The following HERC1 variants were observed in gnomAD, a reference collection of about 807,000 sequenced individuals.
HERC1 encodes the protein probable E3 ubiquitin-protein ligase HERC1.
A neutral mutation model predicts 554.3 loss-of-function variants in HERC1; 160 were observed. The observed-to-expected ratio is 0.29, with a 90% confidence interval of 0.25 to 0.33. The LOEUF (loss-of-function observed/expected upper bound fraction) is 0.33. Among genes scored for constraint, HERC1 ranks in the 10% least tolerant of loss-of-function variants. The pLI, the probability that HERC1 is intolerant of heterozygous loss-of-function variation, is 1.00. For synonymous variants in HERC1, 2,175 were observed against 2,131.7 expected, an observed-to-expected ratio of 1.02 and a Z score of -0.56; for missense variants, 4,919 against 5,918.5, an observed-to-expected ratio of 0.83 and a Z score of 5.54.
chr15:63,754,628 G>A lies in HERC1; in HGVS notation c.1651C>T (p.Arg551Cys), dbSNP rs759341699. The change falls in exon 7 of 78, where the codon CGT (arginine) becomes TGT (cysteine). Residue 551 changes from arginine (R) to cysteine (C), a missense_variant. By Grantham distance (180) the Arg-to-Cys change is radical. Coordinates refer to ENST00000443617, the MANE Select transcript of HERC1 (RefSeq NM_003922.4). ...GRLGHGDSNS[R>C]NIPTLVKDIS... Reference sequence around the variant, plus strand: ...TCTTTTACTAATGTTGGAATGTTACGACTATTGCTGTCACCATGACCTTGG... The same window carrying A: ...TCTTTTACTAATGTTGGAATGTTACAACTATTGCTGTCACCATGACCTTGG... 6.8e-6 allele frequency: 11 copies of A among 1,612,832 alleles called. No individual in the cohort carries two copies. Among genetic ancestry groups the A allele is most frequent in the Non-Finnish European group, 7.6e-6 (9 of 1,179,436 alleles).
chr15:63,648,221 A>C, intron 54 of HERC1, 22 bp from the exon 55 acceptor site: 1 of 1,582,982 alleles, frequency 6.3e-7, no homozygotes, highest in Non-Finnish European at 8.6e-7. Flanking sequence ...AAAACAAAAG[A>C]GTAAGGAAAA....
chr15:63,631,135 T>C (rs961575080), intron 68 of HERC1, among the ~76,000 whole-genome samples: 3 of 152,196 alleles, frequency 2.0e-5, no homozygotes, highest in African/African-American at 7.2e-5. Context: ...CATGCCACCA[T>C]GCCTGGCTAA....
intron 12 of HERC1, among the ~76,000 whole-genome samples, chr15:63,741,548 C>G (rs941540630): frequency 8.5e-5 from 13 of 152,110 alleles, no homozygotes; most frequent in African/African-American, 3.1e-4. Context: ...TTCAGGTGAT[C>G]CACCTGCCTC....
intron 7 of HERC1, 131 bp from the exon 8 acceptor site, chr15:63,753,216 G>T: frequency 1.9e-6 from 1 of 540,454 alleles, no homozygotes; most frequent in Non-Finnish European, 2.9e-6. Flanking sequence ...CTATGTTTCT[G>T]ATAGCTGAGG....
intron 3 of HERC1, among the ~76,000 whole-genome samples, chr15:63,761,676 T>C (rs1243143994): frequency 6.6e-6 from 1 of 152,118 alleles, no homozygotes; most frequent in Non-Finnish European, 1.5e-5. Flanking sequence ...GAAAGCATAA[T>C]TTAGAAATTA....
chr15:63,763,974 A>G lies in HERC1; in HGVS notation c.1026+122T>C, dbSNP rs1411170548. Reference sequence around the variant, plus strand: ...TACCCAGTTCCTCTCTCTAGAGGTAACAACTGGTGCCACTTCCTTTTGTAG... The same window carrying G: ...TACCCAGTTCCTCTCTCTAGAGGTAGCAACTGGTGCCACTTCCTTTTGTAG... On this transcript the variant is annotated intron_variant, in intron 3 of 77. Coordinates refer to ENST00000443617, the MANE Select transcript of HERC1 (RefSeq NM_003922.4). 5.2e-6 allele frequency: 3 copies of G among 577,518 alleles called. No individual in the cohort carries two copies. The Admixed American group carries it at 7.4e-5, about 14-fold the overall frequency. 35.8% of individuals were successfully genotyped at this position (577,518 alleles called of 1,614,324 possible).
chr15:63,744,543 C>G (rs1342011626), intron 12 of HERC1, among the ~76,000 whole-genome samples: 1 of 152,140 alleles, frequency 6.6e-6, no homozygotes, highest in Admixed American at 6.5e-5. Context: ...TATGGCTGAG[C>G]TGGCACTCAA....
Position 63,656,202 on chromosome 15 carries a change from C to A in HERC1, c.9756G>T (p.Gly3252=). 1 of 1,612,520 alleles carries A rather than the reference C, an allele frequency of 6.2e-7. No individual in the cohort carries two copies. Among genetic ancestry groups the A allele is most frequent in the South Asian group, 1.1e-5 (1 of 90,826 alleles). The change falls in exon 49 of 78, where the codon GGG becomes GGT. Residue 3252 remains glycine (G), a synonymous_variant. Coordinates refer to ENST00000443617, the MANE Select transcript of HERC1 (RefSeq NM_003922.4). ...MASTSERSRG[G]HSKANKPISC... ...AGATAGGCTTGTTAGCCTTGCTATG[C>A]CCACCTCGTGATCGTTCTGAGGTGC... is the stretch of plus-strand genomic sequence containing the variant.
intron 36 of HERC1, 106 bp downstream of exon 36, chr15:63,679,971 G>C: frequency 1.4e-6 from 1 of 692,258 alleles, no homozygotes; most frequent in Non-Finnish European, 2.3e-6. Context: ...CCTAAGTCAA[G>C]TACTTTTAAT....
intron 1 of HERC1, among the ~76,000 whole-genome samples, chr15:63,785,911 G>A (rs1353206983): frequency 6.6e-6 from 1 of 152,082 alleles, no homozygotes; most frequent in Non-Finnish European, 1.5e-5. Flanking sequence ...TCACCGTGTT[G>A]TCCAGGCTGG....
intron 70 of HERC1, among the ~76,000 whole-genome samples, chr15:63,626,840 T>C (rs777155650): frequency 1.4e-4 from 22 of 152,222 alleles, no homozygotes; most frequent in Non-Finnish European, 2.9e-4. Context: ...AAAACTAACA[T>C]TTACTGAGTA....
chr15:63,773,039 G>C (rs570130334), intron 2 of HERC1, among the ~76,000 whole-genome samples: 27 of 152,274 alleles, frequency 1.8e-4, no homozygotes, highest in Non-Finnish European at 3.5e-4. Flanking sequence ...ACTTGTTGCG[G>C]GTAGGGGGAG....
chr15:63,730,182 C>A (rs763652671), intron 14 of HERC1, among the ~76,000 whole-genome samples: 4 of 149,134 alleles, frequency 2.7e-5, no homozygotes, highest in Non-Finnish European at 4.4e-5. Context: ...CAGCTGGGTG[C>A]GGTAGCTCAC....
intron 14 of HERC1, among the ~76,000 whole-genome samples, chr15:63,729,869 A>G (rs950611837): frequency 1.4e-4 from 21 of 151,998 alleles, no homozygotes; most frequent in Admixed American, 8.5e-4. Context: ...ACTAAAAAAT[A>G]CAAAAATTAG....
chr15:63,749,930 T>A lies in HERC1; in HGVS notation c.1903-139A>T. 1 of 744,732 alleles carries A rather than the reference T, an allele frequency of 1.3e-6. No homozygotes were observed. The highest frequency in any genetic ancestry group is 2.0e-6 in the Non-Finnish European group (1 of 489,946). 46.1% of individuals were successfully genotyped at this position (744,732 alleles called of 1,614,324 possible). A position where few individuals can be genotyped will look rare whatever the true frequency, so the allele number is the denominator to read the frequency against. On this transcript the variant is annotated intron_variant, in intron 8 of 77. Transcript: ENST00000443617. The surrounding 1 kb of genome is among the most constrained non-coding windows in gnomAD (Gnocchi z 4.1). ...TGATGTTAAAATCATTTTGATCATTTTAAAGATTGTTACAGCGATTTATCA... is the reference window on the plus strand; with the variant it reads ...TGATGTTAAAATCATTTTGATCATTATAAAGATTGTTACAGCGATTTATCA...
At chr15:63,706,712 GCT>G in intron 25 of HERC1, 66 bp downstream of exon 25, 3 of 777,744 alleles carry the variant, frequency 3.9e-6, no homozygotes, top group East Asian at 2.8e-5. Flanking sequence ...TATTTACTAT[GCT>G]CTTTTTTTTT....
chr15:63,714,345 A>G (rs150871017), intron 22 of HERC1, among the ~76,000 whole-genome samples: 1 of 152,236 alleles, frequency 6.6e-6, no homozygotes, highest in East Asian at 1.9e-4. Flanking sequence ...GTCTTTGCTG[A>G]AACAGAATTT....
intron 75 of HERC1, 148 bp downstream of exon 75, chr15:63,616,282 G>T: frequency 1.3e-6 from 1 of 799,520 alleles, no homozygotes; most frequent in Non-Finnish European, 2.0e-6. Flanking sequence ...TGCTGCGGTT[G>T]AGCTGCTAAG....
chr15:63,645,690 T>C lies in HERC1; in HGVS notation c.10879-8A>G. On this transcript the variant is annotated splice_polypyrimidine_tract_variant and splice_region_variant and intron_variant, in intron 55 of 77. Coordinates refer to ENST00000443617, the MANE Select transcript of HERC1 (RefSeq NM_003922.4). ...CATGCTAATAAGAGTATCCTTAAAA[T>C]GGAAGGAAGAGAAAAAAAATCAGAG... 4 of 1,504,566 alleles carry C rather than the reference T, an allele frequency of 2.7e-6. No individual in the cohort carries two copies. Among genetic ancestry groups the C allele is most frequent in the South Asian group, 1.3e-5 (1 of 76,932 alleles). The allele number at this position is 1,504,566 out of a possible 1,614,324, so 93.2% of individuals were successfully genotyped here.
Sources: allele counts gnomAD v4.1 joint callset (sites outside exome capture counted in the v4.1 genomes callset), GRCh38; gene constraint gnomAD v4.1.1; non-coding constraint Gnocchi (gnomAD v3.1); transcripts MANE v1.5; gene names NCBI Gene and HGNC (gene_info 2026-07-23, HGNC 2026-07-21).